ARHGAP35: variants seen among roughly 807,000 people sequenced by gnomAD.
ARHGAP35 encodes the protein Rho GTPase activating protein 35.
Under a neutral mutation model 111.1 loss-of-function variants are expected in ARHGAP35, and 15 were observed. The observed-to-expected ratio is 0.13, with a 90% CI of 0.09 to 0.21. The LOEUF (loss-of-function observed/expected upper bound fraction) is 0.21, where lower values mean the gene tolerates loss of function less well. ARHGAP35 is among the 10% of genes least tolerant of loss of function. The probability of loss-of-function intolerance (pLI) is 1.00; values close to 1 mark genes in which losing one functional copy is unlikely to be tolerated. For missense variants in ARHGAP35, 1,262 were observed against 1,873.0 expected, an observed-to-expected ratio of 0.67 and a Z score of 6.02; for synonymous variants, 643 against 710.3, an observed-to-expected ratio of 0.91 and a Z score of 1.51.
chr19:46,913,946 T>C (rs552650802), intron 1 of ARHGAP35, among the ~76,000 whole-genome samples: 1 of 152,328 alleles, frequency 6.6e-6, no homozygotes, highest in African/African-American at 2.4e-5. Context: ...TCCTACTTTC[T>C]CTTTCTTTGT....
At chr19:46,886,977 C>G (rs993406503) in intron 1 of ARHGAP35, among the ~76,000 whole-genome samples, 4 of 152,112 alleles carry the variant, frequency 2.6e-5, no homozygotes, top group African/African-American at 9.7e-5. Context: ...AGAAACATGT[C>G]TGCTTGAATT....
intron 3 of ARHGAP35, among the ~76,000 whole-genome samples, chr19:46,966,340 G>A (rs757475433): frequency 6.6e-6 from 1 of 152,120 alleles, no homozygotes; most frequent in African/African-American, 2.4e-5. Context: ...CTTGAACCCA[G>A]GAATTCAAGA....
chr19:46,998,693 C>A (rs569046113), intron 5 of ARHGAP35, among the ~76,000 whole-genome samples: 2 of 152,380 alleles, frequency 1.3e-5, no homozygotes, highest in South Asian at 4.1e-4. Context: ...TTCCCTCCCC[C>A]AGGACATTAG....
chr19:46,976,559 C>T (rs1051408817), intron 3 of ARHGAP35, among the ~76,000 whole-genome samples: 4 of 152,258 alleles, frequency 2.6e-5, no homozygotes, highest in African/African-American at 9.6e-5. Context: ...GGCCCCGAGA[C>T]GGTTCCAGCC....
intron 1 of ARHGAP35, among the ~76,000 whole-genome samples, chr19:46,914,750 CA>C (rs998476754): frequency 6.6e-6 from 1 of 152,120 alleles, no homozygotes; most frequent in African/African-American, 2.4e-5. Flanking sequence ...TAGTTCATTT[CA>C]AAATAGAGCC....
intron 5 of ARHGAP35, among the ~76,000 whole-genome samples, chr19:46,995,674 G>C (rs2056703498): frequency 6.6e-6 from 1 of 152,242 alleles, no homozygotes; most frequent in Admixed American, 6.5e-5. Flanking sequence ...TCTGCGGTCA[G>C]GGCCATGCAC....
chr19:46,914,179 C>G (rs1273343628), intron 1 of ARHGAP35, among the ~76,000 whole-genome samples: 1 of 152,178 alleles, frequency 6.6e-6, no homozygotes, highest in African/African-American at 2.4e-5. Context: ...GAAGAGTATA[C>G]TTACACCAAG....
Position 46,927,517 on chromosome 19 carries a change from A to G in ARHGAP35, c.3681+5161A>G, listed in dbSNP as rs953602650. ...AGCTTCATGGAGCTGAAAGAACTTC[A>G]TGTGTTCAAAGAGTTGAAAGAAGCT... On this transcript the variant is annotated intron_variant, in intron 2 of 6. Transcript: ENST00000672722. Among the ~76,000 whole-genome samples, 31 of 152,216 alleles carry G rather than the reference A, an allele frequency of 2.0e-4. 1 individual carries two copies. The highest frequency in any genetic ancestry group is 7.2e-4 in the African/African-American group (30 of 41,442).
Position 46,921,278 on chromosome 19 carries a change from C to T in ARHGAP35, c.2603C>T (p.Ala868Val), listed in dbSNP as rs1031456574. 1.2e-6 allele frequency: 2 copies of T among 1,613,860 alleles called. No individual in the cohort carries two copies. Among genetic ancestry groups the T allele is most frequent in the Non-Finnish European group, 1.7e-6 (2 of 1,179,906 alleles). ...TCAGCCAAACGTAAGGCCTCTTTGG[C>T]TATGTTACGTGCCTTTCTTTGTGAA... is the stretch of plus-strand genomic sequence containing the variant. ...FYSAKRKASL[A>V]MLRAFLCEVQ... The change falls in exon 2 of 7, where the codon GCT (alanine) becomes GTT (valine). Residue 868 changes from alanine to valine, a missense_variant. Coordinates refer to ENST00000672722, the MANE Select transcript of ARHGAP35 (RefSeq NM_004491.5). This position sits in a 1 kb window ranked among gnomAD's most constrained non-coding sequence, Gnocchi z 4.3.
At chr19:46,888,033 G>A (rs1450693863) in intron 1 of ARHGAP35, among the ~76,000 whole-genome samples, 1 of 148,846 alleles carries the variant, frequency 6.7e-6, no homozygotes, top group East Asian at 2.0e-4. Flanking sequence ...CTTACTGCAA[G>A]CTCCGCCTCC....
At position 46,992,166 on chromosome 19, in the gene ARHGAP35, C is replaced by T. The variant is rs118137425; in HGVS notation, c.4036+2491C>T. The stretch of plus-strand genomic sequence containing the variant: ...TGCCTAGGCTGGGCCCGGCTCTCCA[C>T]GAGGCACTTGATTCCCACCACTGAT... On this transcript the variant is annotated intron_variant, in intron 5 of 6. Transcript: ENST00000672722. This position sits in a 1 kb window ranked among gnomAD's most constrained non-coding sequence, Gnocchi z 4.4. Among the ~76,000 whole-genome samples the T allele has an allele frequency of 1.1e-3, 168 of 152,286 alleles. 2 individuals carry two copies. In the East Asian group the frequency reaches 0.024, roughly 22 times the overall value.
chr19:46,901,386 C>T lies in ARHGAP35; in HGVS notation c.-188-17102C>T, dbSNP rs150414388. 1.4e-3 allele frequency among the ~76,000 whole-genome samples: 213 copies of T among 152,284 alleles called. 1 individual carries two copies. The highest frequency in any genetic ancestry group is 4.9e-3 in the African/African-American group (204 of 41,572). ...CAGCCTGGCCAACATGGTGACACCC[C>T]ATCTCCACTAAAAATACAAAAATTA... On this transcript the variant is annotated intron_variant, in intron 1 of 6. Transcript: ENST00000672722. This position sits in a 1 kb window ranked among gnomAD's most constrained non-coding sequence, Gnocchi z 4.5.
chr19:46,867,294 A>G (rs1353432731), intron 1 of ARHGAP35, among the ~76,000 whole-genome samples: 2 of 152,304 alleles, frequency 1.3e-5, no homozygotes, highest in African/African-American at 4.8e-5. Flanking sequence ...TGACTGTTGT[A>G]TTATAGATCT....
At chr19:46,868,158 G>A (rs558178300) in intron 1 of ARHGAP35, among the ~76,000 whole-genome samples, 4 of 152,308 alleles carry the variant, frequency 2.6e-5, no homozygotes, top group South Asian at 4.1e-4. Flanking sequence ...GTGAGCTACC[G>A]CGCCTGGCTC....
chr19:46,868,241 TAGTA>T (rs1037364999), intron 1 of ARHGAP35, among the ~76,000 whole-genome samples: 12 of 152,210 alleles, frequency 7.9e-5, no homozygotes, highest in Non-Finnish European at 1.8e-4. Context: ...AGTTAATAAG[TAGTA>T]AGTCAGTGTG....
chr19:46,923,865 G>C (rs113027619), intron 2 of ARHGAP35, among the ~76,000 whole-genome samples: 7 of 150,990 alleles, frequency 4.6e-5, no homozygotes, highest in African/African-American at 1.7e-4. Context: ...AGGTTGCAGT[G>C]AGCCAAGTTC....
intron 3 of ARHGAP35, among the ~76,000 whole-genome samples, chr19:46,972,785 A>G (rs1252617793): frequency 6.6e-6 from 1 of 152,088 alleles, no homozygotes; most frequent in Non-Finnish European, 1.5e-5. Context: ...GTGATTTCCA[A>G]TTTTCTCTTA....
At position 46,908,826 on chromosome 19, in the gene ARHGAP35, G is replaced by A. The variant is rs1412732540; in HGVS notation, c.-188-9662G>A. The stretch of plus-strand genomic sequence containing the variant: ...AAATGGGCTACTTGCTGTATTTAGT[G>A]TGGGCTGCTAGGATGGTAAGGTAGC... On this transcript the variant is annotated intron_variant, in intron 1 of 6. Coordinates refer to ENST00000672722, the MANE Select transcript of ARHGAP35 (RefSeq NM_004491.5). The surrounding 1 kb of genome is among the most constrained non-coding windows in gnomAD (Gnocchi z 4.2). Among the ~76,000 whole-genome samples the A allele has an allele frequency of 6.6e-6, 1 of 152,142 alleles. No individual in the cohort carries two copies. Among genetic ancestry groups the A allele is most frequent in the Non-Finnish European group, 1.5e-5 (1 of 68,026 alleles).
chr19:46,878,019 A>AT (rs2055935366), intron 1 of ARHGAP35, among the ~76,000 whole-genome samples: 1 of 150,904 alleles, frequency 6.6e-6, no homozygotes, highest in Non-Finnish European at 1.5e-5. Flanking sequence ...AAATTTTTTC[A>AT]TTTTTTAAGT....
Sources: gnomAD v4.1 joint callset for allele counts (sites outside exome capture counted in the v4.1 genomes callset) on GRCh38, gnomAD v4.1.1 for gene constraint, Gnocchi (gnomAD v3.1) non-coding constraint, MANE v1.5 for transcripts, NCBI Gene and HGNC (gene_info 2026-07-23, HGNC 2026-07-21) for gene names.